Variants in CAPZB observed in about 807,000 individuals in gnomAD.
CAPZB encodes capping actin protein of muscle Z-line subunit beta.
CAPZB carries 2 observed loss-of-function variants against 38.1 expected under a neutral mutation model. The observed-to-expected ratio is 0.05, with a 90% confidence interval of 0.02 to 0.17. CAPZB has a LOEUF of 0.17. Ranked by LOEUF, CAPZB falls within the 10% of genes least tolerant of loss-of-function variation. The pLI is 1.00. For missense variants in CAPZB, 161 were observed against 334.2 expected (o/e 0.48, Z 4.04); for synonymous variants, 107 against 127.4 (o/e 0.84, Z 1.08).
At chr1:19,393,813 G>A (rs552393198) in intron 2 of CAPZB, among the ~76,000 whole-genome samples, 3 of 152,290 alleles carry the variant, frequency 2.0e-5, no homozygotes. Flanking sequence ...CAGCAGATCC[G>A]ACATGTGACC....
intron 4 of CAPZB, among the ~76,000 whole-genome samples, chr1:19,359,441 C>A (rs550332182): frequency 1.3e-5 from 2 of 152,278 alleles, no homozygotes; most frequent in Admixed American, 1.3e-4. Flanking sequence ...CTCAGGTGGG[C>A]TACCCTTGGC....
At chr1:19,460,574 CTTTTTTTTTTTT>C (rs35288971) in intron 1 of CAPZB, among the ~76,000 whole-genome samples, 1 of 90,972 alleles carries the variant, frequency 1.1e-5, no homozygotes, top group African/African-American at 4.6e-5. Flanking sequence ...TGTGCCCAGG[CTTTTTTTTTTTT>C]TTTTTTTTTT....
chr1:19,376,363 C>T (rs1367377968), intron 4 of CAPZB, among the ~76,000 whole-genome samples: 1 of 152,202 alleles, frequency 6.6e-6, no homozygotes, highest in Non-Finnish European at 1.5e-5. Context: ...GGCTGTATTC[C>T]TGGAGTATCC....
intron 1 of CAPZB, among the ~76,000 whole-genome samples, chr1:19,455,912 G>C (rs1178841674): frequency 7.2e-5 from 11 of 152,170 alleles, no homozygotes; most frequent in Admixed American, 7.2e-4. Context: ...TATATGCAAG[G>C]CTCTTGTTTA....
rs913971227 is a variant in CAPZB, at chr1:19,339,448, G to A, written c.*82C>T. ...GTGACCTGTCGGGGAGGGAAGGGAC[G>A]AGGGAAGGGAGCAGAAAACGAGTTT... On this transcript the variant is annotated 3_prime_UTR_variant, in exon 9 of 9. Coordinates refer to ENST00000264202, the MANE Select transcript of CAPZB (RefSeq NM_004930.5). 20 of 979,460 alleles carry A rather than the reference G, an allele frequency of 2.0e-5. No individual in the cohort carries two copies. The highest frequency in any genetic ancestry group is 1.6e-4 in the African/African-American group (10 of 62,666). 60.7% of individuals were successfully genotyped at this position (979,460 alleles called of 1,614,324 possible).
chr1:19,345,849 G>C (rs1457706271), intron 6 of CAPZB, among the ~76,000 whole-genome samples: 2 of 152,212 alleles, frequency 1.3e-5, no homozygotes, highest in Non-Finnish European at 2.9e-5. Context: ...ACCCTTCCTC[G>C]CACCAGGGCC....
chr1:19,373,399 A>G (rs1314370531), intron 4 of CAPZB, among the ~76,000 whole-genome samples: 1 of 152,224 alleles, frequency 6.6e-6, no homozygotes, highest in Non-Finnish European at 1.5e-5. Context: ...TCATTCTGAC[A>G]TTGATTCCAT....
intron 1 of CAPZB, among the ~76,000 whole-genome samples, chr1:19,431,516 T>C (rs749586192): frequency 7.2e-5 from 11 of 151,928 alleles, no homozygotes; most frequent in Non-Finnish European, 1.5e-4. Context: ...GGTCAGCAGA[T>C]CAAGACCATC....
rs952624563 is a variant in CAPZB at position 19,345,327 on chromosome 1, C to T, written c.589-75G>A. On this transcript the variant is annotated intron_variant, in intron 6 of 8. Transcript: ENST00000264202. ...GAACGGCAGACAGCCCACCCCACCT[C>T]CACGGTCTGCAAAGAGCCTACTGTT... 5.9e-6 allele frequency: 7 copies of T among 1,195,266 alleles called. No individual in the cohort carries two copies. The African/African-American group carries it at 8.9e-5, about 15-fold the overall frequency. The allele number at this position is 1,195,266 out of a possible 1,614,324, so 74.0% of individuals were successfully genotyped here.
chr1:19,448,923 G>T (rs749061512), intron 1 of CAPZB: 2 of 1,612,882 alleles, frequency 1.2e-6, no homozygotes, highest in Admixed American at 1.7e-5. Flanking sequence ...ATTGGAGGAG[G>T]TGATGGGTTA....
At chr1:19,349,261 C>T (rs1408583643) in intron 6 of CAPZB, among the ~76,000 whole-genome samples, 1 of 152,150 alleles carries the variant, frequency 6.6e-6, no homozygotes, top group African/African-American at 2.4e-5. Flanking sequence ...TGTGTTCTCC[C>T]AGACGTGAAG....
intron 1 of CAPZB, among the ~76,000 whole-genome samples, chr1:19,483,643 T>C (rs1417096758): frequency 6.6e-6 from 1 of 152,200 alleles, no homozygotes; most frequent in African/African-American, 2.4e-5. Context: ...CTTCCTGCCT[T>C]ATACTTTGTC....
chr1:19,441,926 T>C lies in CAPZB; in HGVS notation c.4-22176A>G, dbSNP rs1159465383. Among the ~76,000 whole-genome samples, 16 of 148,332 alleles carry C rather than the reference T, an allele frequency of 1.1e-4. No individual in the cohort carries two copies. In the Admixed American group the frequency reaches 1.1e-3, roughly 10 times the overall value. On this transcript the variant is annotated intron_variant, in intron 1 of 8. Transcript: ENST00000264202. ...TGGGAGGCTGAAGCAGGAGAATTGC[T>C]TGAACCGGGGAGGCGGAGGTTGCAG...
chr1:19,423,068 C>T (rs2094407917), intron 1 of CAPZB, among the ~76,000 whole-genome samples: 1 of 152,116 alleles, frequency 6.6e-6, no homozygotes. Flanking sequence ...GGACAGTCCT[C>T]TGTAGACCTG....
At chr1:19,480,362 A>G (rs2094623376) in intron 1 of CAPZB, among the ~76,000 whole-genome samples, 1 of 152,194 alleles carries the variant, frequency 6.6e-6, no homozygotes, top group Admixed American at 6.5e-5. Flanking sequence ...CGGAACAGGA[A>G]AACTGAGACC....
chr1:19,365,118 A>G (rs1283490211), intron 4 of CAPZB, among the ~76,000 whole-genome samples: 1 of 152,208 alleles, frequency 6.6e-6, no homozygotes, highest in East Asian at 1.9e-4. Context: ...TGCTGGGATT[A>G]TAGGCATAAG....
chr1:19,437,058 G>A (rs971324479), intron 1 of CAPZB, among the ~76,000 whole-genome samples: 13 of 152,218 alleles, frequency 8.5e-5, no homozygotes, highest in Non-Finnish European at 1.3e-4. Flanking sequence ...CAAAGTGGAC[G>A]CCCAGGGATG....
chr1:19,471,552 T>C (rs1157467001), intron 1 of CAPZB, among the ~76,000 whole-genome samples: 1 of 141,580 alleles, frequency 7.1e-6, no homozygotes, highest in East Asian at 2.0e-4. Context: ...GGCAACCAGT[T>C]CTTGTCTGTT....
At chr1:19,347,757 TG>T (rs1173021863) in intron 6 of CAPZB, among the ~76,000 whole-genome samples, 1 of 152,166 alleles carries the variant, frequency 6.6e-6, no homozygotes, top group Non-Finnish European at 1.5e-5. Flanking sequence ...AGCAGCAACT[TG>T]GAATGGAGCC....
Sources: gnomAD v4.1 joint callset for allele counts (sites outside exome capture counted in the v4.1 genomes callset) on GRCh38, gnomAD v4.1.1 for gene constraint, MANE v1.5 for transcripts, NCBI Gene and HGNC (gene_info 2026-07-23, HGNC 2026-07-21) for gene names.